Variants in MYO6 observed in about 807,000 individuals in gnomAD.
MYO6 encodes the protein unconventional myosin-VI.
Under a neutral mutation model 178.7 loss-of-function variants are expected in MYO6, and 74 were observed. That is an observed-to-expected ratio of 0.41 (90% confidence interval 0.34 to 0.50). The LOEUF is 0.50. MYO6 is among the 20% of genes least tolerant of loss of function. The pLI, the probability that MYO6 is intolerant of heterozygous loss-of-function variation, is 0.09. For missense variants in MYO6, 1,330 were observed against 1,547.4 expected (o/e 0.86, Z 2.36); for synonymous variants, 477 against 504.6 (o/e 0.95, Z 0.73).
intron 1 of MYO6, among the ~76,000 whole-genome samples, chr6:75,814,675 A>C (rs1771038026): frequency 6.6e-6 from 1 of 152,076 alleles, no homozygotes; most frequent in African/African-American, 2.4e-5. Flanking sequence ...CTGCCTGGGC[A>C]ACACAGTGAG....
At chr6:75,907,815 T>TGTGTGTGC (rs1780455406) in intron 31 of MYO6, 107 bp downstream of exon 31, 1 of 807,634 alleles carries the variant, frequency 1.2e-6, no homozygotes, top group Non-Finnish European at 2.1e-6. Context: ...TGTGTGTGTG[T>TGTGTGTGC]GTATGTGTGT....
intron 1 of MYO6, among the ~76,000 whole-genome samples, chr6:75,758,209 C>T (rs1489401869): frequency 6.6e-6 from 1 of 151,750 alleles, no homozygotes; most frequent in Non-Finnish European, 1.5e-5. Context: ...GATTTATGTG[C>T]AAACTGGAAT....
chr6:75,830,621 T>A, intron 5 of MYO6, 76 bp downstream of exon 5: 2 of 1,337,674 alleles, frequency 1.5e-6, no homozygotes, highest in Non-Finnish European at 2.1e-6. Flanking sequence ...TCTTTTGGAT[T>A]AATAAAAGAT....
chr6:75,902,805 T>G (rs1305452288), intron 30 of MYO6, among the ~76,000 whole-genome samples: 1 of 151,432 alleles, frequency 6.6e-6, no homozygotes, highest in Non-Finnish European at 1.5e-5. Flanking sequence ...CTAGTTCTTT[T>G]AATTGTGATG....
Position 75,797,542 on chromosome 6 carries a change from A to T in MYO6, c.-47-19959A>T, listed in dbSNP as rs541316091. ...TTATATGTATTTTTTTTTAGTTTTTATTTTTTTTTGAGACTAAGTCTCACT... is the reference window on the plus strand; with the variant it reads ...TTATATGTATTTTTTTTTAGTTTTTTTTTTTTTTTGAGACTAAGTCTCACT... On this transcript the variant is annotated intron_variant, in intron 1 of 34. Coordinates refer to ENST00000369977, the MANE Select transcript of MYO6 (RefSeq NM_004999.4). 3.4e-5 allele frequency among the ~76,000 whole-genome samples: 5 copies of T among 148,900 alleles called. No homozygotes were observed. The East Asian group carries it at 8.0e-4, about 24-fold the overall frequency.
chr6:75,889,516 T>C (rs900881525), intron 25 of MYO6, among the ~76,000 whole-genome samples: 2 of 152,200 alleles, frequency 1.3e-5, no homozygotes, highest in African/African-American at 4.8e-5. Flanking sequence ...CAAGCAATTC[T>C]CCTGCCTCAG....
rs1467526641 is a variant in MYO6, at chr6:75,916,080, T to C, written c.*1068T>C. ...ATAATTTTAAAATGTTTTCTTTGTG[T>C]GCTGTTAGTATTGATTCAAATGTCA... On this transcript the variant is annotated 3_prime_UTR_variant, in exon 35 of 35. Coordinates refer to ENST00000369977, the MANE Select transcript of MYO6 (RefSeq NM_004999.4). 6.6e-6 allele frequency: 1 copy of C among 152,290 alleles called. No individual in the cohort carries two copies. The highest frequency in any genetic ancestry group is 1.5e-5 in the Non-Finnish European group (1 of 68,040). 9.4% of individuals were successfully genotyped at this position (152,290 alleles called of 1,614,324 possible). A position where few individuals can be genotyped will look rare whatever the true frequency, so the allele number is the denominator to read the frequency against.
At chr6:75,852,521 C>G (rs1473528643) in intron 11 of MYO6, among the ~76,000 whole-genome samples, 1 of 152,166 alleles carries the variant, frequency 6.6e-6, no homozygotes, top group African/African-American at 2.4e-5. Flanking sequence ...GCCCACTTCT[C>G]TCAACCCTAG....
rs1230585832 is a variant in MYO6, at chr6:75,918,636, G to A, written c.*3624G>A. On this transcript the variant is annotated 3_prime_UTR_variant, in exon 35 of 35. Coordinates refer to ENST00000369977, the MANE Select transcript of MYO6 (RefSeq NM_004999.4). ...GGGTAAGATGGAGAGACTGGCAGAA[G>A]TAGCACCTACTCTGCTGGGAGCACT... 6.6e-6 allele frequency: 1 copy of A among 152,212 alleles called. No individual in the cohort carries two copies. Among genetic ancestry groups the A allele is most frequent in the Admixed American group, 6.5e-5 (1 of 15,286 alleles). 9.4% of individuals were successfully genotyped at this position (152,212 alleles called of 1,614,324 possible). A position where few individuals can be genotyped will look rare whatever the true frequency, so the allele number is the denominator to read the frequency against.
chr6:75,901,055 G>A (rs138851020), intron 30 of MYO6, among the ~76,000 whole-genome samples: 2,917 of 152,028 alleles, frequency 0.019, 101 homozygotes, highest in African/African-American at 0.065. Context: ...GATATATGGC[G>A]TTATTTCTGA....
chr6:75,871,302 T>G (rs1052805402), intron 19 of MYO6, among the ~76,000 whole-genome samples: 2 of 152,174 alleles, frequency 1.3e-5, no homozygotes, highest in African/African-American at 4.8e-5. Context: ...CAGGCTGGAG[T>G]GCAGTGGTGC....
At chr6:75,792,401 AT>A (rs1768339318) in intron 1 of MYO6, among the ~76,000 whole-genome samples, 1 of 152,110 alleles carries the variant, frequency 6.6e-6, no homozygotes, top group Non-Finnish European at 1.5e-5. Flanking sequence ...CTGTATACTT[AT>A]TTTTTACAAA....
intron 30 of MYO6, among the ~76,000 whole-genome samples, chr6:75,901,019 G>C (rs966247034): frequency 2.6e-5 from 4 of 151,734 alleles, no homozygotes; most frequent in African/African-American, 7.3e-5. Flanking sequence ...GTTTTTCTCA[G>C]GTTTGTCAAA....
intron 1 of MYO6, among the ~76,000 whole-genome samples, chr6:75,796,630 T>G (rs1026432518): frequency 1.3e-5 from 1 of 79,816 alleles, no homozygotes. Flanking sequence ...GACTCCCATC[T>G]TTTTTTTTTT....
intron 33 of MYO6, among the ~76,000 whole-genome samples, chr6:75,911,935 T>C (rs1780786554): frequency 6.6e-6 from 1 of 152,014 alleles, no homozygotes; most frequent in Admixed American, 6.6e-5. Flanking sequence ...ATCAAATTAC[T>C]TGCATTAAGA....
At chr6:75,801,371 T>G (rs1025684795) in intron 1 of MYO6, among the ~76,000 whole-genome samples, 4 of 151,692 alleles carry the variant, frequency 2.6e-5, no homozygotes, top group East Asian at 3.9e-4. Context: ...GAGGGGTGGT[T>G]GTTCTTGCAT....
At chr6:75,786,679 G>A (rs1352012543) in intron 1 of MYO6, among the ~76,000 whole-genome samples, 1 of 152,010 alleles carries the variant, frequency 6.6e-6, no homozygotes, top group Admixed American at 6.6e-5. Flanking sequence ...GTGAATTCCT[G>A]CATACCCTTT....
At chr6:75,803,654 A>G in intron 1 of MYO6, among the ~76,000 whole-genome samples, 1 of 152,128 alleles carries the variant, frequency 6.6e-6, no homozygotes, top group Non-Finnish European at 1.5e-5. Context: ...TGTGGTAGTT[A>G]ATTTTTAGAT....
chr6:75,787,692 C>A (rs1192193757), intron 1 of MYO6, among the ~76,000 whole-genome samples: 1 of 36,332 alleles, frequency 2.8e-5, no homozygotes, highest in East Asian at 9.7e-4. Flanking sequence ...CTCTCTCTCT[C>A]TCTCTCTCTC....
Sources: gnomAD v4.1 joint callset for allele counts (sites outside exome capture counted in the v4.1 genomes callset) on GRCh38, gnomAD v4.1.1 for gene constraint, MANE v1.5 for transcripts, NCBI Gene and HGNC (gene_info 2026-07-23, HGNC 2026-07-21) for gene names.